The following CDK19 variants were observed in gnomAD, a reference collection of about 807,000 sequenced individuals.
The protein encoded by CDK19 is cyclin-dependent kinase 19.
Under a neutral mutation model 68.3 loss-of-function variants are expected in CDK19, and 20 were observed. That is an observed-to-expected ratio of 0.29 (90% CI 0.21 to 0.43). The LOEUF is 0.43. Among genes scored for constraint, CDK19 ranks in the 20% least tolerant of loss-of-function variants. The pLI is 1.00. For missense variants in CDK19, 339 were observed against 623.5 expected (o/e 0.54, Z 4.86); for synonymous variants, 221 against 222.8 (o/e 0.99, Z 0.07).
chr6:110,614,471 C>A lies in CDK19; in HGVS notation c.*64G>T. ...TAGTTTGCATTTTTTTGGTTCTTTTCAATGCAGACATATTGCTGGAGCCTG... is the reference window on the plus strand; with the variant it reads ...TAGTTTGCATTTTTTTGGTTCTTTTAAATGCAGACATATTGCTGGAGCCTG... On this transcript the variant is annotated 3_prime_UTR_variant, in exon 13 of 13. Coordinates refer to ENST00000368911, the MANE Select transcript of CDK19 (RefSeq NM_015076.5). The A allele has an allele frequency of 6.5e-7, 1 of 1,546,414 alleles. No individual in the cohort carries two copies. The highest frequency in any genetic ancestry group is 1.2e-5 in the South Asian group (1 of 85,682).
At chr6:110,623,783 TACACATATATAC>T (rs1778879543) in intron 8 of CDK19, among the ~76,000 whole-genome samples, 1 of 147,132 alleles carries the variant, frequency 6.8e-6, no homozygotes, top group Non-Finnish European at 1.5e-5. Flanking sequence ...TATACATATA[TACACATATATAC>T]ACACACATAT....
intron 1 of CDK19, among the ~76,000 whole-genome samples, chr6:110,753,142 C>T (rs1778589257): frequency 6.6e-6 from 1 of 152,076 alleles, no homozygotes; most frequent in South Asian, 2.1e-4. Flanking sequence ...GTTGCCCAAG[C>T]TGGTCTCGAA....
At chr6:110,638,315 CAG>C (rs911705958) in intron 5 of CDK19, among the ~76,000 whole-genome samples, 53 of 152,066 alleles carry the variant, frequency 3.5e-4, no homozygotes, top group Non-Finnish European at 5.3e-4. Flanking sequence ...AAACCTGAAA[CAG>C]AAGTGAGATT....
chr6:110,783,462 A>C (rs918880773), intron 1 of CDK19, among the ~76,000 whole-genome samples: 1 of 151,562 alleles, frequency 6.6e-6, no homozygotes, highest in South Asian at 2.1e-4. Flanking sequence ...ACATGATGAA[A>C]CTCCATCTCT....
chr6:110,765,596 G>C (rs1159788751), intron 1 of CDK19, among the ~76,000 whole-genome samples: 1 of 146,190 alleles, frequency 6.8e-6, no homozygotes, highest in Non-Finnish European at 1.5e-5. Flanking sequence ...CAGGAGAATT[G>C]CTTGAACCCG....
intron 1 of CDK19, among the ~76,000 whole-genome samples, chr6:110,757,954 G>T (rs182870337): frequency 6.6e-6 from 1 of 152,252 alleles, no homozygotes; most frequent in East Asian, 1.9e-4. Flanking sequence ...ACTTTAGGAG[G>T]CCAAGGTGGG....
intron 4 of CDK19, among the ~76,000 whole-genome samples, chr6:110,647,803 T>C (rs914546071): frequency 7.9e-5 from 12 of 152,192 alleles, no homozygotes; most frequent in Non-Finnish European, 1.5e-4. Flanking sequence ...GTCAATATAA[T>C]GTTGGTTGCA....
intron 2 of CDK19, among the ~76,000 whole-genome samples, chr6:110,743,031 G>A (rs1777795407): frequency 6.6e-6 from 1 of 152,124 alleles, no homozygotes; most frequent in Admixed American, 6.6e-5. Context: ...TACCCCCGGA[G>A]GCCCAGCTGT....
chr6:110,668,508 A>G (rs184382232), intron 3 of CDK19, among the ~76,000 whole-genome samples: 1 of 152,184 alleles, frequency 6.6e-6, no homozygotes, highest in Non-Finnish European at 1.5e-5. Context: ...ACTGGGAGCC[A>G]CATGTATAAC....
chr6:110,668,832 C>CAA (rs530527732), intron 3 of CDK19, among the ~76,000 whole-genome samples: 3 of 79,958 alleles, frequency 3.8e-5, no homozygotes, highest in Non-Finnish European at 5.3e-5. Context: ...AACTCCGTTT[C>CAA]AAAAAAAAAA....
chr6:110,780,225 A>G (rs549239415), intron 1 of CDK19, among the ~76,000 whole-genome samples: 9 of 151,802 alleles, frequency 5.9e-5, no homozygotes, highest in African/African-American at 1.7e-4. Flanking sequence ...CTCAAAAAAA[A>G]AAAAAAATAC....
chr6:110,811,298 T>C (rs1156875637), intron 1 of CDK19, among the ~76,000 whole-genome samples: 1 of 152,220 alleles, frequency 6.6e-6, no homozygotes, highest in Non-Finnish European at 1.5e-5. Flanking sequence ...CATCTACATG[T>C]ACTCATTGTG....
chr6:110,638,423 G>C (rs1222125914), intron 5 of CDK19, among the ~76,000 whole-genome samples: 1 of 152,130 alleles, frequency 6.6e-6, no homozygotes, highest in African/African-American at 2.4e-5. Context: ...TTGTGAACTA[G>C]CTTGTCAATT....
At chr6:110,809,667 G>C (rs1562306063) in intron 1 of CDK19, among the ~76,000 whole-genome samples, 1 of 151,910 alleles carries the variant, frequency 6.6e-6, no homozygotes, top group Non-Finnish European at 1.5e-5. Flanking sequence ...TAAAAACTTC[G>C]TTTTTTAAGA....
intron 1 of CDK19, among the ~76,000 whole-genome samples, chr6:110,769,470 C>G (rs904384001): frequency 6.6e-6 from 1 of 151,038 alleles, no homozygotes; most frequent in Non-Finnish European, 1.5e-5. Flanking sequence ...GAGGCTGAGG[C>G]AGGAGAATCG....
chr6:110,708,859 A>T (rs376660231), intron 2 of CDK19, among the ~76,000 whole-genome samples: 1 of 152,214 alleles, frequency 6.6e-6, no homozygotes, highest in African/African-American at 2.4e-5. Flanking sequence ...TAACAACTTG[A>T]TATCTCAACT....
chr6:110,643,505 A>G (rs189077113), intron 4 of CDK19, among the ~76,000 whole-genome samples: 99 of 152,296 alleles, frequency 6.5e-4, no homozygotes, highest in Non-Finnish European at 9.6e-4. Context: ...AATTAAAACA[A>G]TTGGCTGGAT....
At chr6:110,642,202 G>A (rs137887612) in intron 4 of CDK19, among the ~76,000 whole-genome samples, 1,941 of 151,890 alleles carry the variant, frequency 0.013, 49 homozygotes, top group African/African-American at 0.045. Context: ...TCAGGAGGCT[G>A]AGGCAGGAGA....
Position 110,646,307 on chromosome 6 carries a change from C to T in CDK19, c.457-7601G>A, listed in dbSNP as rs1469861106. On this transcript the variant is annotated intron_variant, in intron 4 of 12. Coordinates refer to ENST00000368911, the MANE Select transcript of CDK19 (RefSeq NM_015076.5). ...ACATGTGCAAGCACAAGGTGCTCAG[C>T]GACTACCTGCGCGAACGGGCCCACG... 13 of 1,494,460 alleles carry T rather than the reference C, an allele frequency of 8.7e-6. No homozygotes were observed. In the East Asian group the frequency reaches 2.7e-4, roughly 31 times the overall value. The allele number at this position is 1,494,460 out of a possible 1,614,324, so 92.6% of individuals were successfully genotyped here.
Sources: allele counts gnomAD v4.1 joint callset (sites outside exome capture counted in the v4.1 genomes callset), GRCh38; gene constraint gnomAD v4.1.1; transcripts MANE v1.5; gene names NCBI Gene and HGNC (gene_info 2026-07-23, HGNC 2026-07-21).